Variants in AGBL4 observed in about 807,000 individuals in gnomAD.
The protein encoded by AGBL4 is cytosolic carboxypeptidase 6.
Under a neutral mutation model 66.4 loss-of-function variants are expected in AGBL4, and 58 were observed. The ratio of observed to expected loss-of-function variants is 0.87; its 90% CI spans 0.71 to 1.09. The LOEUF is 1.09. AGBL4 is among the 50% of genes least tolerant of loss of function. The pLI is 0.00. For synonymous variants in AGBL4, 234 were observed against 222.9 expected (o/e 1.05, Z -0.44); for missense variants, 579 against 631.0 (o/e 0.92, Z 0.88).
chr1:48,575,465 G>A (rs1207121438), intron 11 of AGBL4, among the ~76,000 whole-genome samples: 2 of 152,082 alleles, frequency 1.3e-5, no homozygotes, highest in East Asian at 1.9e-4. Context: ...CATCCTGCCC[G>A]CTGCTGCCAC....
At chr1:49,520,679 A>C (rs919957416) in intron 3 of AGBL4, among the ~76,000 whole-genome samples, 2 of 151,864 alleles carry the variant, frequency 1.3e-5, no homozygotes, top group Non-Finnish European at 2.9e-5. Context: ...GCCTGATCTG[A>C]TTCCTCCTCT....
chr1:49,199,914 A>C (rs1647551168), intron 4 of AGBL4, among the ~76,000 whole-genome samples: 1 of 152,058 alleles, frequency 6.6e-6, no homozygotes, highest in Non-Finnish European at 1.5e-5. Flanking sequence ...TCCTCCTCAG[A>C]GCTGCATCCC....
chr1:49,288,273 G>C lies in AGBL4; in HGVS notation c.283-42409C>G, dbSNP rs1015847260. ...AGATATACCTAATGCTTGATGACGAGTTAGTGGGTGCAGCACACCAGCATG... is the reference window on the plus strand; with the variant it reads ...AGATATACCTAATGCTTGATGACGACTTAGTGGGTGCAGCACACCAGCATG... On this transcript the variant is annotated intron_variant, in intron 3 of 13. Transcript: ENST00000371839. Among the ~76,000 whole-genome samples the C allele has an allele frequency of 8.0e-5, 12 of 149,192 alleles. 1 individual carries two copies. Among genetic ancestry groups the C allele is most frequent in the South Asian group, 6.5e-4 (3 of 4,622 alleles).
intron 4 of AGBL4, among the ~76,000 whole-genome samples, chr1:49,101,253 T>C (rs1287801460): frequency 4.6e-5 from 7 of 152,070 alleles, no homozygotes; most frequent in Non-Finnish European, 1.0e-4. Context: ...AGTGGTATGA[T>C]CTTGGCTCAC....
chr1:49,014,458 T>C (rs1662667693), intron 5 of AGBL4, among the ~76,000 whole-genome samples: 1 of 152,192 alleles, frequency 6.6e-6, no homozygotes, highest in Non-Finnish European at 1.5e-5. Context: ...TTTTATAACA[T>C]GAAAATAATC....
chr1:48,907,692 T>C (rs1238637092), intron 5 of AGBL4, among the ~76,000 whole-genome samples: 1 of 152,220 alleles, frequency 6.6e-6, no homozygotes, highest in Non-Finnish European at 1.5e-5. Flanking sequence ...TTTTGCTGGG[T>C]ACATGCTGTT....
At chr1:48,860,458 C>T (rs908699404) in intron 6 of AGBL4, among the ~76,000 whole-genome samples, 4 of 152,154 alleles carry the variant, frequency 2.6e-5, no homozygotes, top group South Asian at 2.1e-4. Flanking sequence ...AGCAGTTGGA[C>T]GTCTGCCTCC....
At chr1:48,579,098 T>A (rs1004751665) in intron 11 of AGBL4, among the ~76,000 whole-genome samples, 1 of 152,196 alleles carries the variant, frequency 6.6e-6, no homozygotes, top group African/African-American at 2.4e-5. Context: ...CATTTGGATT[T>A]TACATAAGTC....
chr1:49,392,664 A>C (rs1348705610), intron 3 of AGBL4, among the ~76,000 whole-genome samples: 1 of 151,848 alleles, frequency 6.6e-6, no homozygotes, highest in African/African-American at 2.4e-5. Context: ...TGCCAATTTC[A>C]CATGTCAACT....
chr1:49,599,323 T>C (rs1644909801), intron 3 of AGBL4, among the ~76,000 whole-genome samples: 1 of 152,214 alleles, frequency 6.6e-6, no homozygotes, highest in Admixed American at 6.5e-5. Flanking sequence ...CTTCCTGGTT[T>C]AGACTTGGGA....
intron 4 of AGBL4, among the ~76,000 whole-genome samples, chr1:49,109,739 C>T (rs1645368291): frequency 6.6e-6 from 1 of 152,088 alleles, no homozygotes; most frequent in African/African-American, 2.4e-5. Context: ...TACCTACCAA[C>T]AGCTTTCATT....
chr1:49,201,739 A>C (rs1442298186), intron 4 of AGBL4, among the ~76,000 whole-genome samples: 1 of 152,182 alleles, frequency 6.6e-6, no homozygotes, highest in African/African-American at 2.4e-5. Flanking sequence ...GTTGAATCTA[A>C]TTTTACAACT....
intron 1 of AGBL4, among the ~76,000 whole-genome samples, chr1:49,855,577 A>G (rs542687774): frequency 6.6e-6 from 1 of 152,310 alleles, no homozygotes; most frequent in African/African-American, 2.4e-5. Flanking sequence ...ATGGGATAAA[A>G]CTGGAAATGA....
At chr1:49,089,795 C>A (rs1034899406) in intron 4 of AGBL4, among the ~76,000 whole-genome samples, 3 of 151,906 alleles carry the variant, frequency 2.0e-5, no homozygotes, top group Admixed American at 6.6e-5. Context: ...CACACACACA[C>A]AAAATAAAAC....
At chr1:48,934,593 C>T (rs1655300333) in intron 5 of AGBL4, among the ~76,000 whole-genome samples, 1 of 152,034 alleles carries the variant, frequency 6.6e-6, no homozygotes, top group African/African-American at 2.4e-5. Context: ...TTATCTTCCC[C>T]CAACATGCTC....
chr1:48,857,740 C>T (rs894920580), intron 6 of AGBL4, among the ~76,000 whole-genome samples: 3 of 151,814 alleles, frequency 2.0e-5, no homozygotes, highest in African/African-American at 4.8e-5. Context: ...GAGAAGAGAG[C>T]ATAGGAGTAC....
At chr1:49,737,460 A>C (rs1354151444) in intron 2 of AGBL4, among the ~76,000 whole-genome samples, 1 of 152,234 alleles carries the variant, frequency 6.6e-6, no homozygotes, top group South Asian at 2.1e-4. Context: ...TTTTTCACTT[A>C]TAAGTGGTAG....
At position 48,728,172 on chromosome 1, in the gene AGBL4, A is replaced by G. The variant is rs961993799; in HGVS notation, c.635-64931T>C. 5.0e-6 allele frequency: 4 copies of G among 792,432 alleles called. No homozygotes were observed. In the African/African-American group the frequency reaches 5.3e-5, roughly 10 times the overall value. The allele number at this position is 792,432 out of a possible 1,614,324, so 49.1% of individuals were successfully genotyped here. The stretch of plus-strand genomic sequence containing the variant: ...ACCAGCTTATGTATCTGGCATAGCT[A>G]TATTTTAAAATTTGCATCATAGAAT... On this transcript the variant is annotated intron_variant, in intron 6 of 13. Transcript: ENST00000371839.
chr1:49,213,114 A>G (rs988303579), intron 4 of AGBL4, among the ~76,000 whole-genome samples: 5 of 152,062 alleles, frequency 3.3e-5, no homozygotes, highest in Non-Finnish European at 5.9e-5. Context: ...CTTTCCTTCA[A>G]TGGTGGAGAA....
Sources: gnomAD v4.1 joint callset for allele counts (sites outside exome capture counted in the v4.1 genomes callset) on GRCh38, gnomAD v4.1.1 for gene constraint, MANE v1.5 for transcripts, NCBI Gene and HGNC (gene_info 2026-07-23, HGNC 2026-07-21) for gene names.